Variants in CAMK1D observed in about 807,000 individuals in gnomAD.
CAMK1D encodes calcium/calmodulin-dependent protein kinase type 1D.
CAMK1D carries 9 observed loss-of-function variants against 47.7 expected under a neutral mutation model. That is an observed-to-expected ratio of 0.19 (90% CI 0.11 to 0.33). CAMK1D has a LOEUF of 0.33. Ranked by LOEUF, CAMK1D falls within the 10% of genes least tolerant of loss-of-function variation. The pLI, the probability that CAMK1D is intolerant of heterozygous loss-of-function variation, is 1.00. For missense variants in CAMK1D, 291 were observed against 488.7 expected (o/e 0.60, Z 3.81); for synonymous variants, 184 against 184.9 (o/e 0.99, Z 0.04).
At chr10:12,429,940 GAAC>G (rs1343211944) in intron 1 of CAMK1D, among the ~76,000 whole-genome samples, 1 of 151,990 alleles carries the variant, frequency 6.6e-6, no homozygotes, top group African/African-American at 2.4e-5. Flanking sequence ...GCAGTTCTTA[GAAC>G]AACACTGCCC....
intron 1 of CAMK1D, among the ~76,000 whole-genome samples, chr10:12,418,968 G>A (rs1407050814): frequency 2.0e-5 from 3 of 152,176 alleles, no homozygotes; most frequent in Admixed American, 6.5e-5. Context: ...GTCCGAAGCC[G>A]TTGCTCACAG....
intron 1 of CAMK1D, among the ~76,000 whole-genome samples, chr10:12,544,750 T>C (rs1474797192): frequency 3.3e-5 from 5 of 152,076 alleles, no homozygotes; most frequent in Admixed American, 1.3e-4. Context: ...AGTACTAGTA[T>C]TGAGTGGATG....
At position 12,397,579 on chromosome 10, in the gene CAMK1D, G is replaced by C. The variant is rs115893013; in HGVS notation, c.92+47669G>C. ...TCCTCTTCCGCTGTGCCGTCCTTGA[G>C]GGGAGGGCTAGTATTTCAGCCATCC... On this transcript the variant is annotated intron_variant, in intron 1 of 10. Transcript: ENST00000619168. Among the ~76,000 whole-genome samples, 1,516 of 152,294 alleles carry C rather than the reference G, an allele frequency of 1.0e-2. 24 individuals carry two copies. The highest frequency in any genetic ancestry group is 0.034 in the African/African-American group (1,421 of 41,552).
intron 1 of CAMK1D, among the ~76,000 whole-genome samples, chr10:12,461,582 C>T (rs376097332): frequency 6.6e-6 from 1 of 150,828 alleles, no homozygotes; most frequent in African/African-American, 2.4e-5. Context: ...CCAGCTACTC[C>T]GGAGGCTGAG....
intron 1 of CAMK1D, among the ~76,000 whole-genome samples, chr10:12,403,785 G>A (rs895676106): frequency 6.6e-6 from 1 of 151,836 alleles, no homozygotes; most frequent in Non-Finnish European, 1.5e-5. Flanking sequence ...ACTTCTAAGT[G>A]TGTTTTTTCC....
At chr10:12,610,808 C>T (rs965259786) in intron 2 of CAMK1D, among the ~76,000 whole-genome samples, 1 of 152,246 alleles carries the variant, frequency 6.6e-6, no homozygotes, top group Non-Finnish European at 1.5e-5. Flanking sequence ...TCCAGCCTAA[C>T]CTGACTTTCC....
At chr10:12,482,019 C>G (rs74933734) in intron 1 of CAMK1D, among the ~76,000 whole-genome samples, 1,640 of 152,334 alleles carry the variant, frequency 0.011, 35 homozygotes, top group East Asian at 0.046. Flanking sequence ...TCCATCACAT[C>G]TTTCTTGCAG....
intron 1 of CAMK1D, among the ~76,000 whole-genome samples, chr10:12,519,362 CA>C (rs1835320233): frequency 2.5e-5 from 1 of 40,360 alleles, no homozygotes; most frequent in Non-Finnish European, 5.1e-5. Context: ...CTGACCCCCC[CA>C]CCTCCCTCCC....
chr10:12,442,476 G>A (rs1832811588), intron 1 of CAMK1D, among the ~76,000 whole-genome samples: 2 of 152,188 alleles, frequency 1.3e-5, no homozygotes, highest in Non-Finnish European at 2.9e-5. Context: ...GAGAGGCTGT[G>A]TCTCAAAAAC....
chr10:12,711,017 C>T (rs1833917911), intron 3 of CAMK1D, among the ~76,000 whole-genome samples: 1 of 152,108 alleles, frequency 6.6e-6, no homozygotes, highest in Non-Finnish European at 1.5e-5. Context: ...AGTCAAAATC[C>T]ACCTCCCACA....
chr10:12,620,718 T>C (rs1261450532), intron 2 of CAMK1D, among the ~76,000 whole-genome samples: 1 of 152,222 alleles, frequency 6.6e-6, no homozygotes, highest in African/African-American at 2.4e-5. Context: ...CCCTCTGAGT[T>C]TGTCCTTTTG....
intron 3 of CAMK1D, among the ~76,000 whole-genome samples, chr10:12,694,012 T>C (rs1210019368): frequency 1.4e-5 from 1 of 73,590 alleles, no homozygotes; most frequent in Non-Finnish European, 2.4e-5. Context: ...ATAATATATA[T>C]TAAATATATA....
intron 5 of CAMK1D, among the ~76,000 whole-genome samples, chr10:12,780,141 T>C (rs1460308985): frequency 6.6e-6 from 1 of 152,176 alleles, no homozygotes; most frequent in African/African-American, 2.4e-5. Context: ...GGATTGGTGT[T>C]AATTCAGGGA....
At chr10:12,647,981 C>T (rs1404341518) in intron 2 of CAMK1D, among the ~76,000 whole-genome samples, 1 of 152,184 alleles carries the variant, frequency 6.6e-6, no homozygotes, top group Non-Finnish European at 1.5e-5. Flanking sequence ...AAGTTCTGGA[C>T]AGTCAGAGAT....
intron 2 of CAMK1D, among the ~76,000 whole-genome samples, chr10:12,563,994 C>T (rs750526121): frequency 6.6e-6 from 1 of 152,044 alleles, no homozygotes; most frequent in Non-Finnish European, 1.5e-5. Context: ...CAGATCTTTC[C>T]CCTTTCTTCT....
intron 1 of CAMK1D, among the ~76,000 whole-genome samples, chr10:12,470,081 T>A (rs566486226): frequency 3.9e-5 from 6 of 152,354 alleles, no homozygotes; most frequent in African/African-American, 1.4e-4. Flanking sequence ...ACAACCAGAT[T>A]GTTAGGTTTT....
intron 3 of CAMK1D, among the ~76,000 whole-genome samples, chr10:12,735,268 A>G (rs574336675): frequency 5.8e-4 from 88 of 152,290 alleles, no homozygotes; most frequent in Middle Eastern, 3.4e-3. Context: ...CGAGGTCAGG[A>G]GATCAAGACC....
chr10:12,631,898 A>G (rs1839389839), intron 2 of CAMK1D, among the ~76,000 whole-genome samples: 1 of 152,188 alleles, frequency 6.6e-6, no homozygotes. Flanking sequence ...CTGCAAACAC[A>G]TGAGAGCAGA....
intron 3 of CAMK1D, among the ~76,000 whole-genome samples, chr10:12,746,201 A>T (rs1201246727): frequency 6.6e-6 from 1 of 151,790 alleles, no homozygotes; most frequent in Non-Finnish European, 1.5e-5. Flanking sequence ...CGTCTCTACT[A>T]AAAAAACAAA....
Sources: gnomAD v4.1 joint callset for allele counts (sites outside exome capture counted in the v4.1 genomes callset) on GRCh38, gnomAD v4.1.1 for gene constraint, MANE v1.5 for transcripts, NCBI Gene and HGNC (gene_info 2026-07-23, HGNC 2026-07-21) for gene names.